Variants in SGCZ observed in about 807,000 individuals in gnomAD.
The protein encoded by SGCZ is sarcoglycan zeta.
Under a neutral mutation model 41.3 loss-of-function variants are expected in SGCZ, and 40 were observed. That is an observed-to-expected ratio of 0.97 (90% confidence interval 0.75 to 1.26). The LOEUF is 1.26. Among genes scored for constraint, SGCZ ranks in the 50% most tolerant of loss-of-function variants. The pLI is 0.00. For synonymous variants in SGCZ, 206 were observed against 137.5 expected (o/e 1.50, Z -3.49); for missense variants, 552 against 369.8 (o/e 1.49, Z -4.04).
chr8:14,466,641 T>G (rs1481810769), intron 2 of SGCZ, among the ~76,000 whole-genome samples: 1 of 151,738 alleles, frequency 6.6e-6, no homozygotes, highest in Non-Finnish European at 1.5e-5. Context: ...TCACTTAACC[T>G]CCATCTTTTT....
rs561107422 is a variant in SGCZ at position 14,507,732 on chromosome 8, C to A, written c.234+47000G>T. 2.0e-5 allele frequency among the ~76,000 whole-genome samples: 3 copies of A among 149,724 alleles called. No homozygotes were observed. In the South Asian group the frequency reaches 6.4e-4, roughly 32 times the overall value. On this transcript the variant is annotated intron_variant, in intron 2 of 7. Coordinates refer to ENST00000382080, the MANE Select transcript of SGCZ (RefSeq NM_139167.4). Reference sequence around the variant, plus strand: ...CCTCACTTCTTTTAGGTTTTAATTTCTACATTGCTGTTTTTGTTTGTTTGT... The same window carrying A: ...CCTCACTTCTTTTAGGTTTTAATTTATACATTGCTGTTTTTGTTTGTTTGT...
intron 1 of SGCZ, among the ~76,000 whole-genome samples, chr8:14,686,422 T>C (rs1173576910): frequency 3.3e-5 from 5 of 152,094 alleles, no homozygotes; most frequent in Admixed American, 6.6e-5. Context: ...AATTAGGAGA[T>C]TGTTTCAATA....
intron 5 of SGCZ, among the ~76,000 whole-genome samples, chr8:14,142,965 A>T (rs542537242): frequency 2.0e-5 from 3 of 151,374 alleles, no homozygotes; most frequent in African/African-American, 7.3e-5. Context: ...AGCCTGTGGA[A>T]CCGTGAGCCA....
chr8:14,331,214 A>C lies in SGCZ; in HGVS notation c.235-7010T>G, dbSNP rs184155794. Among the ~76,000 whole-genome samples, 295 of 152,140 alleles carry C rather than the reference A, an allele frequency of 1.9e-3. 1 individual carries two copies. The highest frequency in any genetic ancestry group is 6.9e-3 in the African/African-American group (286 of 41,568). ...ATAAAAGGAATACATAAAGAATGGA[A>C]ATATTAAATTGTTTCAATGAAATTA... is the stretch of plus-strand genomic sequence containing the variant. On this transcript the variant is annotated intron_variant, in intron 2 of 7. Transcript: ENST00000382080.
intron 4 of SGCZ, among the ~76,000 whole-genome samples, chr8:14,169,450 A>C (rs539912534): frequency 2.0e-5 from 3 of 152,120 alleles, no homozygotes; most frequent in African/African-American, 7.2e-5. Context: ...CAGTAAATTA[A>C]GGGGCCAATC....
chr8:14,984,258 A>G (rs1801759778), intron 1 of SGCZ, among the ~76,000 whole-genome samples: 1 of 152,200 alleles, frequency 6.6e-6, no homozygotes, highest in South Asian at 2.1e-4. Flanking sequence ...ATCTGCAACC[A>G]TTTCAGTATG....
At chr8:15,001,176 A>C (rs933407611) in intron 1 of SGCZ, among the ~76,000 whole-genome samples, 1 of 152,240 alleles carries the variant, frequency 6.6e-6, no homozygotes, top group African/African-American at 2.4e-5. Context: ...GAATCAAGTC[A>C]GGAATAACTC....
At chr8:14,394,239 C>T (rs1230340198) in intron 2 of SGCZ, among the ~76,000 whole-genome samples, 3 of 150,898 alleles carry the variant, frequency 2.0e-5, no homozygotes, top group Non-Finnish European at 4.4e-5. Flanking sequence ...CAACCTCTGC[C>T]TCCCAGGTTT....
intron 1 of SGCZ, among the ~76,000 whole-genome samples, chr8:14,870,282 T>C (rs1444715463): frequency 6.6e-6 from 1 of 152,098 alleles, no homozygotes; most frequent in Non-Finnish European, 1.5e-5. Context: ...TACAACCATT[T>C]GAGATGGAGA....
chr8:14,823,273 G>A (rs1223299464), intron 1 of SGCZ, among the ~76,000 whole-genome samples: 2 of 152,042 alleles, frequency 1.3e-5, no homozygotes, highest in Non-Finnish European at 2.9e-5. Context: ...GGAAAGGCCA[G>A]TATTAACCAA....
chr8:14,371,567 G>A (rs1803910300), intron 2 of SGCZ, among the ~76,000 whole-genome samples: 3 of 152,026 alleles, frequency 2.0e-5, no homozygotes. Context: ...GATGATCTCT[G>A]AATTGAACTT....
At chr8:14,415,443 ATGCATATT>A (rs1368235842) in intron 2 of SGCZ, among the ~76,000 whole-genome samples, 1 of 151,908 alleles carries the variant, frequency 6.6e-6, no homozygotes, top group Non-Finnish European at 1.5e-5. Context: ...TGAATGATGA[ATGCATATT>A]TTAATAAAAA....
intron 1 of SGCZ, among the ~76,000 whole-genome samples, chr8:15,147,569 T>C (rs1293117069): frequency 6.6e-6 from 1 of 152,212 alleles, no homozygotes; most frequent in Non-Finnish European, 1.5e-5. Context: ...TGAGCTGCCG[T>C]ACCCGGCTGA....
intron 3 of SGCZ, among the ~76,000 whole-genome samples, chr8:14,304,642 G>A (rs549324061): frequency 1.1e-4 from 17 of 152,188 alleles, no homozygotes; most frequent in South Asian, 2.1e-4. Flanking sequence ...AATAAATATC[G>A]CTCAGGTTTA....
At chr8:14,880,692 C>G (rs1169925975) in intron 1 of SGCZ, among the ~76,000 whole-genome samples, 1 of 152,070 alleles carries the variant, frequency 6.6e-6, no homozygotes. Flanking sequence ...TCTCAGCAAA[C>G]TATCACAAAG....
intron 1 of SGCZ, among the ~76,000 whole-genome samples, chr8:14,556,307 G>A (rs1804033526): frequency 6.6e-6 from 1 of 151,082 alleles, no homozygotes; most frequent in Non-Finnish European, 1.5e-5. Context: ...AAATACTTCT[G>A]AATAAATTAT....
chr8:14,760,185 C>T (rs755733865), intron 1 of SGCZ, among the ~76,000 whole-genome samples: 4 of 152,158 alleles, frequency 2.6e-5, no homozygotes, highest in African/African-American at 7.2e-5. Flanking sequence ...ATTATATCAC[C>T]TGTGATTCTT....
chr8:14,970,976 T>C lies in SGCZ; in HGVS notation c.39+266609A>G, dbSNP rs573433148. ...GGTATTTTTCATTCCCCCTAACATTTTACATTTTTCAGCTTTATTCACATC... is the reference window on the plus strand; with the variant it reads ...GGTATTTTTCATTCCCCCTAACATTCTACATTTTTCAGCTTTATTCACATC... On this transcript the variant is annotated intron_variant, in intron 1 of 7. Coordinates refer to ENST00000382080, the MANE Select transcript of SGCZ (RefSeq NM_139167.4). Among the ~76,000 whole-genome samples, 5 of 152,318 alleles carry C rather than the reference T, an allele frequency of 3.3e-5. No individual in the cohort carries two copies. In the South Asian group the frequency reaches 1.0e-3, roughly 32 times the overall value.
intron 5 of SGCZ, among the ~76,000 whole-genome samples, chr8:14,128,882 A>T (rs908362624): frequency 6.6e-6 from 1 of 152,180 alleles, no homozygotes; most frequent in Non-Finnish European, 1.5e-5. Context: ...AGTGGGAGTT[A>T]AATAACAGCC....
Sources: allele counts gnomAD v4.1 joint callset (sites outside exome capture counted in the v4.1 genomes callset), GRCh38; gene constraint gnomAD v4.1.1; transcripts MANE v1.5; gene names NCBI Gene and HGNC (gene_info 2026-07-23, HGNC 2026-07-21).